PRKAR1B: variants seen among roughly 807,000 people sequenced by gnomAD.
PRKAR1B encodes the protein protein kinase cAMP-dependent type I regulatory subunit beta, also known as cAMP-dependent protein kinase type I-beta regulatory subunit.
PRKAR1B carries 22 observed loss-of-function variants against 46.5 expected under a neutral mutation model. The ratio of observed to expected loss-of-function variants is 0.47; its 90% CI spans 0.34 to 0.68. PRKAR1B has a LOEUF of 0.68. Among genes scored for constraint, PRKAR1B ranks in the 30% least tolerant of loss-of-function variants. The pLI is 0.01. For synonymous variants in PRKAR1B, 259 were observed against 217.7 expected (o/e 1.19, Z -1.67); for missense variants, 445 against 535.6 (o/e 0.83, Z 1.67).
intron 1 of PRKAR1B, among the ~76,000 whole-genome samples, chr7:717,784 G>A (rs1167811671): frequency 6.6e-6 from 1 of 152,154 alleles, no homozygotes; most frequent in Non-Finnish European, 1.5e-5. Context: ...CTCTACACAT[G>A]GCTCCTGGGT....
At position 621,797 on chromosome 7, in the gene PRKAR1B, T is replaced by C. The variant is rs1783119936; in HGVS notation, c.441-14345A>G. ...TAAGCCATCTGTAAAATGGGCACAG[T>C]AACACTCTCAGCCTCTAAAGCAGCA... is the stretch of plus-strand genomic sequence containing the variant. On this transcript the variant is annotated intron_variant, in intron 4 of 10. Coordinates refer to ENST00000537384, the MANE Select transcript of PRKAR1B (RefSeq NM_001164760.2). 3.9e-5 allele frequency among the ~76,000 whole-genome samples: 6 copies of C among 151,976 alleles called. No individual in the cohort carries two copies. The South Asian group carries it at 1.2e-3, about 31-fold the overall frequency.
intron 4 of PRKAR1B, among the ~76,000 whole-genome samples, chr7:643,820 A>G (rs1192524203): frequency 1.3e-5 from 2 of 151,916 alleles, no homozygotes; most frequent in Non-Finnish European, 2.9e-5. Context: ...GTTGTGAGGG[A>G]GCTCAAGCCC....
chr7:719,364 G>C (rs2128534250), intron 1 of PRKAR1B, among the ~76,000 whole-genome samples: 1 of 151,922 alleles, frequency 6.6e-6, no homozygotes. Context: ...TTTTTGTAGA[G>C]ATGGGGGTCT....
intron 8 of PRKAR1B, among the ~76,000 whole-genome samples, chr7:581,070 G>A (rs886764856): frequency 3.9e-5 from 6 of 152,266 alleles, no homozygotes; most frequent in Admixed American, 2.0e-4. Flanking sequence ...TTGGGAGGCC[G>A]AGGCGGGCGG....
rs1562578496 is a variant in PRKAR1B, at chr7:635,966, ACGTCCTCCACCG to A, written c.441-28526_441-28515del. Reference sequence around the variant, plus strand: ...CACATCCTCCACCGGCCGCGCCCTCACGTCCTCCACCGGCCGCGCCCTCACGTCCTCCACCGG... The same window carrying A: ...CACATCCTCCACCGGCCGCGCCCTCAGCCGCGCCCTCACGTCCTCCACCGG... On this transcript the variant is annotated intron_variant, in intron 4 of 10. Transcript: ENST00000537384. Among the ~76,000 whole-genome samples the A allele has an allele frequency of 2.2e-3, 275 of 125,562 alleles. 35 individuals carry two copies. Among genetic ancestry groups the A allele is most frequent in the Middle Eastern group, 4.3e-3 (1 of 234 alleles). The allele number at this position is 125,562 out of a possible 152,430, so 82.4% of individuals were successfully genotyped here.
chr7:570,265 G>A (rs749098218), intron 9 of PRKAR1B, among the ~76,000 whole-genome samples: 4 of 152,210 alleles, frequency 2.6e-5, no homozygotes, highest in Non-Finnish European at 5.9e-5. Context: ...TGAGGCCAAG[G>A]GTGGGCCAGG....
At chr7:662,954 T>C (rs1785695688) in intron 4 of PRKAR1B, among the ~76,000 whole-genome samples, 1 of 152,162 alleles carries the variant, frequency 6.6e-6, no homozygotes, top group Admixed American at 6.5e-5. Flanking sequence ...TTCTGATGCT[T>C]TCAAACAGAC....
At chr7:577,503 C>A (rs1377763926) in intron 9 of PRKAR1B, among the ~76,000 whole-genome samples, 1 of 152,160 alleles carries the variant, frequency 6.6e-6, no homozygotes, top group Non-Finnish European at 1.5e-5. Context: ...CGGGAGCATA[C>A]GTGTAGCTCT....
intron 4 of PRKAR1B, among the ~76,000 whole-genome samples, chr7:634,960 TC>T (rs1290765832): frequency 6.6e-6 from 1 of 151,930 alleles, no homozygotes; most frequent in Admixed American, 6.6e-5. Context: ...TCTCAAATGA[TC>T]CAAATAATAA....
At chr7:606,372 T>C (rs1211427884) in intron 5 of PRKAR1B, 133 bp from the exon 6 acceptor site, 2 of 650,890 alleles carry the variant, frequency 3.1e-6, no homozygotes, top group East Asian at 5.5e-5. Flanking sequence ...ACCAATTCTT[T>C]TTAATGACAA....
chr7:708,773 C>T (rs978961954), intron 2 of PRKAR1B, among the ~76,000 whole-genome samples: 9 of 151,016 alleles, frequency 6.0e-5, no homozygotes, highest in Non-Finnish European at 8.8e-5. Context: ...AGGCATGAGT[C>T]ACTGTGCCCG....
upstream of PRKAR1B, among the ~76,000 whole-genome samples, chr7:728,222 C>G (rs1334233233): frequency 6.6e-6 from 1 of 152,096 alleles, no homozygotes; most frequent in Non-Finnish European, 1.5e-5. Context: ...GGAATGATAG[C>G]AGGCGCCTGC....
At position 691,568 on chromosome 7, in the gene PRKAR1B, G is replaced by A. The variant is rs539572189; in HGVS notation, c.178-10842C>T. 8.7e-4 allele frequency: 1,130 copies of A among 1,304,422 alleles called. 5 individuals carry two copies. The highest frequency in any genetic ancestry group is 6.8e-4 in the Non-Finnish European group (674 of 989,002). The allele number at this position is 1,304,422 out of a possible 1,614,324, so 80.8% of individuals were successfully genotyped here. Reference sequence around the variant, plus strand: ...TGGATCCATGTCCACACGCCCTTCCGCCTACACGCAGTCCTTTCGGACAGC... The same window carrying A: ...TGGATCCATGTCCACACGCCCTTCCACCTACACGCAGTCCTTTCGGACAGC... On this transcript the variant is annotated intron_variant, in intron 2 of 10. Transcript: ENST00000537384.
intron 9 of PRKAR1B, among the ~76,000 whole-genome samples, chr7:553,722 C>G (rs1220350553): frequency 6.8e-6 from 1 of 146,614 alleles, no homozygotes; most frequent in African/African-American, 2.6e-5. Context: ...TGAGTAACTC[C>G]CCACCTCATC....
chr7:656,904 G>A (rs1785230466), intron 4 of PRKAR1B, among the ~76,000 whole-genome samples: 1 of 147,762 alleles, frequency 6.8e-6, no homozygotes. Flanking sequence ...TGAATGCATG[G>A]ATGGACGGAC....
intron 1 of PRKAR1B, 126 bp downstream of exon 1, chr7:727,084 G>C (rs1230489001): frequency 9.6e-7 from 1 of 1,046,926 alleles, no homozygotes; most frequent in Non-Finnish European, 1.1e-6. Context: ...GCCCGCGCTC[G>C]CCGCGCGCTT....
chr7:564,961 G>C (rs1351893898), intron 9 of PRKAR1B: 1 of 152,222 alleles, frequency 6.6e-6, no homozygotes, highest in African/African-American at 2.4e-5. Flanking sequence ...TGGGAACCCA[G>C]GAGTGACAAC....
chr7:553,658 T>C lies in PRKAR1B; in HGVS notation c.892-2188A>G, dbSNP rs574955566. Among the ~76,000 whole-genome samples the C allele has an allele frequency of 2.6e-5, 4 of 152,324 alleles. No individual in the cohort carries two copies. The South Asian group carries it at 8.3e-4, about 32-fold the overall frequency. On this transcript the variant is annotated intron_variant, in intron 9 of 10. Coordinates refer to ENST00000537384, the MANE Select transcript of PRKAR1B (RefSeq NM_001164760.2). ...ATTTCAAGGTGGGCTCGGTTCACCC[T>C]GGCTCACCCAGACCCAGCCTCAACA...
intron 2 of PRKAR1B, among the ~76,000 whole-genome samples, chr7:683,029 G>C (rs1778783056): frequency 6.6e-6 from 1 of 152,238 alleles, no homozygotes; most frequent in Admixed American, 6.5e-5. Context: ...CCCGAAAAAA[G>C]ATGGCGGCCC....
Sources: allele counts gnomAD v4.1 joint callset (sites outside exome capture counted in the v4.1 genomes callset), GRCh38; gene constraint gnomAD v4.1.1; transcripts MANE v1.5; gene names NCBI Gene and HGNC (gene_info 2026-07-23, HGNC 2026-07-21).